The following DGKI variants were observed in gnomAD, a reference collection of about 807,000 sequenced individuals.
DGKI encodes the protein DAG kinase iota.
DGKI carries 55 observed loss-of-function variants against 147.5 expected under a neutral mutation model. The ratio of observed to expected loss-of-function variants is 0.37; its 90% CI spans 0.30 to 0.47. The LOEUF (loss-of-function observed/expected upper bound fraction) is 0.47. Among genes scored for constraint, DGKI ranks in the 20% least tolerant of loss-of-function variants. The pLI, the probability that DGKI is intolerant of heterozygous loss-of-function variation, is 1.00. For missense variants in DGKI, 1,007 were observed against 1,323.8 expected (o/e 0.76, Z 3.71); for synonymous variants, 469 against 477.1 (o/e 0.98, Z 0.22).
At chr7:137,453,539 C>G (rs73730622) in intron 27 of DGKI, among the ~76,000 whole-genome samples, 5,592 of 152,178 alleles carry the variant, frequency 0.037, 376 homozygotes, top group African/African-American at 0.13. Flanking sequence ...TAAAAGAGAG[C>G]AGGCGAGAAT....
intron 1 of DGKI, among the ~76,000 whole-genome samples, chr7:137,697,730 G>A (rs1355210588): frequency 3.9e-5 from 6 of 152,118 alleles, no homozygotes; most frequent in African/African-American, 1.4e-4. Flanking sequence ...AAGAGTATCA[G>A]ATGAGAGTCA....
chr7:137,672,120 C>T (rs1044716600), intron 3 of DGKI, among the ~76,000 whole-genome samples: 3 of 152,232 alleles, frequency 2.0e-5, no homozygotes, highest in Non-Finnish European at 4.4e-5. Context: ...TGCTCACTTA[C>T]ACCTCAACCA....
In DGKI at chr7:137,436,167, C is replaced by T. The variant is rs556909603; in HGVS notation, c.2761+7910G>A. On this transcript the variant is annotated intron_variant, in intron 28 of 32. Coordinates refer to ENST00000614521, the MANE Select transcript of DGKI (RefSeq NM_001321708.2). ...TGATATCTCTTTAAGGGAATAGCTA[C>T]CTTTTGAGAACTCTACTATTTAAAA... Among the ~76,000 whole-genome samples the T allele has an allele frequency of 4.6e-5, 7 of 152,186 alleles. No individual in the cohort carries two copies. The Middle Eastern group carries it at 0.01, about 222-fold the overall frequency.
intron 30 of DGKI, among the ~76,000 whole-genome samples, chr7:137,406,968 T>C (rs184315502): frequency 6.9e-4 from 99 of 143,174 alleles, no homozygotes; most frequent in African/African-American, 2.5e-3. Flanking sequence ...AGGATGTGAA[T>C]GTTTATGAGT....
At chr7:137,520,010 A>G (rs1212057568) in intron 21 of DGKI, among the ~76,000 whole-genome samples, 1 of 152,096 alleles carries the variant, frequency 6.6e-6, no homozygotes, top group Non-Finnish European at 1.5e-5. Flanking sequence ...TTGACTTAAG[A>G]AGTTTCTTCA....
At chr7:137,557,747 A>T (rs1818275328) in intron 19 of DGKI, among the ~76,000 whole-genome samples, 1 of 152,088 alleles carries the variant, frequency 6.6e-6, no homozygotes, top group Non-Finnish European at 1.5e-5. Context: ...TCAGACAGGC[A>T]GCCCTCACTG....
intron 21 of DGKI, among the ~76,000 whole-genome samples, chr7:137,492,174 G>A (rs186455874): frequency 8.5e-5 from 13 of 152,284 alleles, no homozygotes; most frequent in Non-Finnish European, 2.9e-5. Flanking sequence ...AGAACTTCCA[G>A]GCAGCTTTTA....
intron 27 of DGKI, among the ~76,000 whole-genome samples, chr7:137,455,766 G>T (rs1172387724): frequency 6.6e-6 from 1 of 151,698 alleles, no homozygotes; most frequent in African/African-American, 2.4e-5. Flanking sequence ...CAGAAGTACC[G>T]CAGAGAAGTC....
At chr7:137,410,776 C>T (rs1314420447) in intron 29 of DGKI, among the ~76,000 whole-genome samples, 1 of 152,184 alleles carries the variant, frequency 6.6e-6, no homozygotes, top group East Asian at 1.9e-4. Context: ...TTATTCATGC[C>T]TTTGTTTCCC....
At chr7:137,812,133 T>G (rs564319887) in intron 1 of DGKI, among the ~76,000 whole-genome samples, 1 of 152,334 alleles carries the variant, frequency 6.6e-6, no homozygotes, top group African/African-American at 2.4e-5. Flanking sequence ...TCGGGCTTCC[T>G]GTTTTGAGGA....
chr7:137,844,170 C>T (rs776883536), intron 1 of DGKI, among the ~76,000 whole-genome samples: 14 of 152,264 alleles, frequency 9.2e-5, no homozygotes, highest in African/African-American at 1.2e-4. Flanking sequence ...CACCAATGGC[C>T]GCCATGACGA....
chr7:137,623,293 T>C (rs1049756496), intron 7 of DGKI, among the ~76,000 whole-genome samples, 190 bp downstream of exon 7: 4 of 152,244 alleles, frequency 2.6e-5, no homozygotes, highest in African/African-American at 9.6e-5. Context: ...ATCTCTCTAG[T>C]GTATCCCAGC....
intron 27 of DGKI, among the ~76,000 whole-genome samples, chr7:137,461,859 G>A (rs1814455782): frequency 6.6e-6 from 1 of 152,134 alleles, no homozygotes; most frequent in South Asian, 2.1e-4. Context: ...AAAATTAAGA[G>A]ACATCCCTAA....
rs371065283 is a variant in DGKI, at chr7:137,618,144, TATATATA to T, written c.993+1673_993+1679del. Among the ~76,000 whole-genome samples, 9 of 14,294 alleles carry T rather than the reference TATATATA, an allele frequency of 6.3e-4. No homozygotes were observed. In the South Asian group the frequency reaches 0.012, roughly 19 times the overall value. 9.4% of individuals were successfully genotyped at this position (14,294 alleles called of 152,430 possible). A position where few individuals can be genotyped will look rare whatever the true frequency, so the allele number is the denominator to read the frequency against. The stretch of plus-strand genomic sequence containing the variant: ...CTAAAATACTATATATATATATATA[TATATATA>T]TTTTTTTTTTTTTACTCTATCATTC... On this transcript the variant is annotated intron_variant, in intron 8 of 32. Coordinates refer to ENST00000614521, the MANE Select transcript of DGKI (RefSeq NM_001321708.2).
At chr7:137,747,334 C>T (rs1795369027) in intron 1 of DGKI, among the ~76,000 whole-genome samples, 2 of 152,144 alleles carry the variant, frequency 1.3e-5, no homozygotes, top group African/African-American at 4.8e-5. Flanking sequence ...TAATGTGTAA[C>T]TTCATTGTCA....
At chr7:137,428,396 A>G (rs1368314260) in intron 28 of DGKI, among the ~76,000 whole-genome samples, 6 of 152,174 alleles carry the variant, frequency 3.9e-5, no homozygotes, top group African/African-American at 1.2e-4. Flanking sequence ...TTCATGGGGC[A>G]TATCTCAAAA....
intron 1 of DGKI, among the ~76,000 whole-genome samples, chr7:137,744,732 G>T (rs1795275221): frequency 6.6e-6 from 1 of 152,154 alleles, no homozygotes; most frequent in Non-Finnish European, 1.5e-5. Context: ...TGCAAGGATG[G>T]TTCAATATAT....
chr7:137,441,125 C>A (rs1213388407), intron 28 of DGKI, among the ~76,000 whole-genome samples: 1 of 152,008 alleles, frequency 6.6e-6, no homozygotes, highest in Non-Finnish European at 1.5e-5. Context: ...GTGCTTTTAA[C>A]AAATCAGAAA....
At chr7:137,535,954 C>T (rs1339819939) in intron 20 of DGKI, among the ~76,000 whole-genome samples, 1 of 152,078 alleles carries the variant, frequency 6.6e-6, no homozygotes, top group Non-Finnish European at 1.5e-5. Flanking sequence ...GCTATTTTTA[C>T]CTGAAATTTG....
Sources: allele counts gnomAD v4.1 joint callset (sites outside exome capture counted in the v4.1 genomes callset), GRCh38; gene constraint gnomAD v4.1.1; transcripts MANE v1.5; gene names NCBI Gene and HGNC (gene_info 2026-07-23, HGNC 2026-07-21).